Variants in AMPD3 observed in about 807,000 individuals in gnomAD.
AMPD3 encodes the protein AMP deaminase 3.
AMPD3 carries 57 observed loss-of-function variants against 82.3 expected under a neutral mutation model. The observed-to-expected ratio is 0.69, with a 90% CI of 0.56 to 0.86. The LOEUF (loss-of-function observed/expected upper bound fraction) is 0.86. Among genes scored for constraint, AMPD3 ranks in the 40% least tolerant of loss-of-function variants. AMPD3 has a pLI of 0.00. For synonymous variants in AMPD3, 381 were observed against 394.7 expected (o/e 0.97, Z 0.41); for missense variants, 870 against 1,003.8 (o/e 0.87, Z 1.80).
chr11:10,469,552 A>G (rs61891379), intron 2 of AMPD3, among the ~76,000 whole-genome samples: 1 of 152,124 alleles, frequency 6.6e-6, no homozygotes, highest in African/African-American at 2.4e-5. Context: ...TTCACAGCCA[A>G]ATTCTACCAG....
intron 1 of AMPD3, among the ~76,000 whole-genome samples, chr11:10,460,523 C>T (rs1269742576): frequency 6.6e-6 from 1 of 151,684 alleles, no homozygotes; most frequent in African/African-American, 2.4e-5. Context: ...TCTCTTGCCT[C>T]AGCCTCCTGA....
chr11:10,487,075 A>C lies in AMPD3; in HGVS notation c.810-160A>C, dbSNP rs1165089956. 4.2e-6 allele frequency: 4 copies of C among 959,718 alleles called. No individual in the cohort carries two copies. In the African/African-American group the frequency reaches 7.1e-5, roughly 17 times the overall value. The allele number at this position is 959,718 out of a possible 1,614,324, so 59.5% of individuals were successfully genotyped here. On this transcript the variant is annotated intron_variant, in intron 5 of 14. Coordinates refer to ENST00000396553, the MANE Select transcript of AMPD3 (RefSeq NM_001025389.2). ...TTTATAGAGTCTGTGGATATGACTC[A>C]ACAGTTCAGCAGGGTCTGTAGAAAG...
At chr11:10,478,307 A>C (rs978096458) in intron 2 of AMPD3, 4 of 985,322 alleles carry the variant, frequency 4.1e-6, no homozygotes, top group African/African-American at 1.7e-5. Context: ...TGAGCAGTGC[A>C]TGGTGACCAC....
In AMPD3 at chr11:10,469,074, T is replaced by A. The variant is rs375489427; in HGVS notation, c.221+7334T>A. The stretch of plus-strand genomic sequence containing the variant: ...TAAAATCAACACCCTAACATCACAA[T>A]TAAAAGAGCTAGAGAAGCAAGAGCA... On this transcript the variant is annotated intron_variant, in intron 2 of 14. Coordinates refer to ENST00000396553, the MANE Select transcript of AMPD3 (RefSeq NM_001025389.2). Among the ~76,000 whole-genome samples the A allele has an allele frequency of 1.8e-4, 27 of 152,120 alleles. No individual in the cohort carries two copies. In the East Asian group the frequency reaches 3.5e-3, roughly 20 times the overall value.
chr11:10,505,240 G>T, intron 14 of AMPD3: 1 of 985,362 alleles, frequency 1.0e-6, no homozygotes, highest in African/African-American at 1.7e-5. Context: ...TGATGTCACT[G>T]GTTGGGAAGA....
At chr11:10,489,572 C>T (rs1849180162) in intron 6 of AMPD3, among the ~76,000 whole-genome samples, 1 of 152,186 alleles carries the variant, frequency 6.6e-6, no homozygotes, top group African/African-American at 2.4e-5. Context: ...ATCTATGACC[C>T]AGTGGCCTGT....
At chr11:10,458,254 T>TAAAAAA (rs374036957) in intron 1 of AMPD3, among the ~76,000 whole-genome samples, 18 of 91,458 alleles carry the variant, frequency 2.0e-4, no homozygotes, top group African/African-American at 6.8e-4. Flanking sequence ...ACCTCATCTC[T>TAAAAAA]AAAAAAAAAA....
chr11:10,495,124 C>G, intron 8 of AMPD3, 94 bp downstream of exon 8: 1 of 1,610,880 alleles, frequency 6.2e-7, no homozygotes, highest in Non-Finnish European at 8.5e-7. Flanking sequence ...GGCCCCTTCC[C>G]CTCCCTCTGT....
upstream of AMPD3, among the ~76,000 whole-genome samples, chr11:10,453,202 C>T (rs535187703): frequency 6.6e-5 from 10 of 152,344 alleles, no homozygotes; most frequent in East Asian, 7.7e-4. Context: ...CTGGCCGCCT[C>T]GGCCTCCCAA....
At chr11:10,450,521 C>T, upstream of AMPD3, 2 of 986,098 alleles carry the variant, frequency 2.0e-6, no homozygotes, top group Non-Finnish European at 1.2e-6. Flanking sequence ...GTCGGGCAAG[C>T]CCGGGCGGCA....
chr11:10,496,128 G>A lies in AMPD3; in HGVS notation c.1430+395G>A, dbSNP rs922655311. The A allele has an allele frequency of 9.2e-6, 6 of 648,756 alleles. No individual in the cohort carries two copies. In the African/African-American group the frequency reaches 1.2e-4, roughly 13 times the overall value. 40.2% of individuals were successfully genotyped at this position (648,756 alleles called of 1,614,324 possible). A position where few individuals can be genotyped will look rare whatever the true frequency, so the allele number is the denominator to read the frequency against. On this transcript the variant is annotated intron_variant, in intron 9 of 14. Coordinates refer to ENST00000396553, the MANE Select transcript of AMPD3 (RefSeq NM_001025389.2). ...GATGGGGTTTCACCATCTTGGCCAG[G>A]CTGGTCTTGAACTCCTGACCTCGTG...
upstream of AMPD3, chr11:10,450,666 C>T: frequency 9.8e-7 from 1 of 1,023,372 alleles, no homozygotes; most frequent in Non-Finnish European, 1.2e-6. Flanking sequence ...AGGGCCCTGG[C>T]GGCCGCCGCG....
intron 11 of AMPD3, 53 bp downstream of exon 11, chr11:10,500,302 C>T (rs529991243): frequency 1.7e-5 from 27 of 1,558,508 alleles, no homozygotes; most frequent in Middle Eastern, 1.7e-4. Context: ...AGTACATGCA[C>T]GCATGCACAC....
At chr11:10,490,610 A>T (rs1849212357) in intron 6 of AMPD3, 1 of 985,174 alleles carries the variant, frequency 1.0e-6, no homozygotes, top group Admixed American at 6.2e-5. Context: ...TAAAATAATC[A>T]CCCTTGAGTT....
intron 2 of AMPD3, among the ~76,000 whole-genome samples, chr11:10,463,807 G>T (rs1848338858): frequency 6.6e-6 from 1 of 152,196 alleles, no homozygotes; most frequent in Non-Finnish European, 1.5e-5. Flanking sequence ...TCCTTGCCTA[G>T]GTTATGGTGT....
At position 10,496,982 on chromosome 11, in the gene AMPD3, G is replaced by A. The variant is rs758591534; in HGVS notation, c.1557+44G>A. The A allele has an allele frequency of 2.1e-5, 34 of 1,608,072 alleles. No homozygotes were observed. The South Asian group carries it at 2.5e-4, about 12-fold the overall frequency. On this transcript the variant is annotated intron_variant, in intron 10 of 14. Transcript: ENST00000396553. ...CTAGGCAGGGCTCATAGCGGCAGAG[G>A]CAGGAATGGATTCGCTGTGAGCTGG...
chr11:10,460,276 T>C (rs1267559379), intron 1 of AMPD3, among the ~76,000 whole-genome samples: 2 of 151,204 alleles, frequency 1.3e-5, no homozygotes, highest in Non-Finnish European at 2.9e-5. Context: ...TCTTTAAATC[T>C]TTTTTAGGGA....
At chr11:10,489,419 G>A (rs1849176042) in intron 6 of AMPD3, among the ~76,000 whole-genome samples, 1 of 152,224 alleles carries the variant, frequency 6.6e-6, no homozygotes, top group Non-Finnish European at 1.5e-5. Flanking sequence ...CCCAGTGGGT[G>A]TTCCTGGGTC....
At chr11:10,493,658 C>A (rs1222397569) in intron 7 of AMPD3, 115 bp downstream of exon 7, 1 of 1,177,854 alleles carries the variant, frequency 8.5e-7, no homozygotes. Flanking sequence ...AAGCAGCTTT[C>A]TCTTCTATCT....
Sources: allele counts gnomAD v4.1 joint callset (sites outside exome capture counted in the v4.1 genomes callset), GRCh38; gene constraint gnomAD v4.1.1; transcripts MANE v1.5; gene names NCBI Gene and HGNC (gene_info 2026-07-23, HGNC 2026-07-21).